FAM210A: variants seen among roughly 807,000 people sequenced by gnomAD.
FAM210A encodes the protein mitochondrial inner membrane scaffold 1, also known as family with sequence similarity 210 member A.
FAM210A carries 13 observed loss-of-function variants against 25.3 expected under a neutral mutation model. That is an observed-to-expected ratio of 0.51 (90% CI 0.33 to 0.82). The LOEUF is 0.82. FAM210A is among the 40% of genes least tolerant of loss of function. The pLI, the probability that FAM210A is intolerant of heterozygous loss-of-function variation, is 0.02. For synonymous variants in FAM210A, 125 were observed against 118.7 expected, an observed-to-expected ratio of 1.05 and a Z score of -0.35; for missense variants, 319 against 323.2, an observed-to-expected ratio of 0.99 and a Z score of 0.10.
chr18:13,672,631 A>G (rs1263437858), intron 2 of FAM210A, among the ~76,000 whole-genome samples: 1 of 152,192 alleles, frequency 6.6e-6, no homozygotes, highest in Non-Finnish European at 1.5e-5. Flanking sequence ...GATGGTGTCC[A>G]TCTCCTGACC....
At chr18:13,669,472 T>C (rs2043425940) in intron 3 of FAM210A, among the ~76,000 whole-genome samples, 1 of 152,150 alleles carries the variant, frequency 6.6e-6, no homozygotes, top group Non-Finnish European at 1.5e-5. Flanking sequence ...CCTCAGAACT[T>C]TGTCTTTCGG....
chr18:13,696,418 G>A (rs2043694358), intron 1 of FAM210A, among the ~76,000 whole-genome samples: 1 of 152,082 alleles, frequency 6.6e-6, no homozygotes, highest in Non-Finnish European at 1.5e-5. Flanking sequence ...ATACTGCTAG[G>A]AAAATGAAAA....
At chr18:13,697,795 T>C (rs772760763) in intron 1 of FAM210A, 3 of 152,230 alleles carry the variant, frequency 2.0e-5, no homozygotes, top group Non-Finnish European at 4.4e-5. Flanking sequence ...TTATTCATAA[T>C]TGCCAAAACT....
At chr18:13,696,545 G>GGT (rs1280469962) in intron 1 of FAM210A, among the ~76,000 whole-genome samples, 1 of 152,120 alleles carries the variant, frequency 6.6e-6, no homozygotes, top group East Asian at 1.9e-4. Flanking sequence ...CATGAAAGAC[G>GGT]GTGCCATAAG....
At chr18:13,696,625 G>C (rs2043696331) in intron 1 of FAM210A, among the ~76,000 whole-genome samples, 1 of 152,128 alleles carries the variant, frequency 6.6e-6, no homozygotes, top group Non-Finnish European at 1.5e-5. Flanking sequence ...TGATGGTGGA[G>C]GTAGAAGACA....
intron 1 of FAM210A, among the ~76,000 whole-genome samples, chr18:13,720,497 C>T (rs1420581380): frequency 6.6e-6 from 1 of 152,200 alleles, no homozygotes; most frequent in East Asian, 1.9e-4. Flanking sequence ...ATGCCCTACA[C>T]TACTCCAGTG....
Position 13,682,034 on chromosome 18 carries a change from C to T in FAM210A, c.44G>A (p.Arg15Lys). The T allele has an allele frequency of 6.2e-7, 1 of 1,612,024 alleles. No homozygotes were observed. The highest frequency in any genetic ancestry group is 8.5e-7 in the Non-Finnish European group (1 of 1,178,768). The change falls in exon 2 of 4, where the codon AGG becomes AAG. Residue 15 changes from arginine to lysine, a missense_variant. By Grantham distance (26) the Arg-to-Lys change is conservative. Coordinates refer to ENST00000651643, the MANE Select transcript of FAM210A (RefSeq NM_152352.4). ...AGCATTATGTGGTTCCAAGCATGTCCTGCGTGCCAGTCGAGATACAGTCCG... is the reference window on the plus strand; with the variant it reads ...AGCATTATGTGGTTCCAAGCATGTCTTGCGTGCCAGTCGAGATACAGTCCG... ...VPRTVSRLAR[R>K]TCLEPHNAGL...
intron 1 of FAM210A, among the ~76,000 whole-genome samples, chr18:13,699,914 T>C (rs1041257718): frequency 6.6e-6 from 1 of 152,188 alleles, no homozygotes; most frequent in Admixed American, 6.5e-5. Flanking sequence ...TGGGTGACCA[T>C]GCAAAATCCT....
At chr18:13,672,013 TTAATGATATTTTC>T in intron 2 of FAM210A, 40 bp from the exon 3 acceptor site, 1 of 1,382,712 alleles carries the variant, frequency 7.2e-7, no homozygotes, top group South Asian at 1.2e-5. Flanking sequence ...GTACAAACTT[TTAATGATATTTTC>T]AAAAATTATC....
At chr18:13,724,577 AC>A (rs2043919258) in intron 1 of FAM210A, among the ~76,000 whole-genome samples, 1 of 152,240 alleles carries the variant, frequency 6.6e-6, no homozygotes, top group African/African-American at 2.4e-5. Context: ...ACCAATGGTA[AC>A]TTTAAAATCA....
rs560764442 is a variant in FAM210A, at chr18:13,687,268, C to T, written c.-28-5163G>A. On this transcript the variant is annotated intron_variant, in intron 1 of 3. Coordinates refer to ENST00000651643, the MANE Select transcript of FAM210A (RefSeq NM_152352.4). ...GTTACCAGTAGTTAGACAGGTATGG[C>T]GGGGGCAGGAGAGGGCTCTTTCCCA... 2.6e-5 allele frequency among the ~76,000 whole-genome samples: 4 copies of T among 152,138 alleles called. No individual in the cohort carries two copies. In the South Asian group the frequency reaches 8.3e-4, roughly 32 times the overall value.
chr18:13,723,996 A>G (rs2043915484), intron 1 of FAM210A, among the ~76,000 whole-genome samples: 1 of 152,140 alleles, frequency 6.6e-6, no homozygotes, highest in Non-Finnish European at 1.5e-5. Flanking sequence ...TACATTTTTA[A>G]AACAATCTCT....
chr18:13,701,812 G>C (rs896715526), intron 1 of FAM210A, among the ~76,000 whole-genome samples: 3 of 152,196 alleles, frequency 2.0e-5, no homozygotes, highest in African/African-American at 4.8e-5. Context: ...AAAGGAAATA[G>C]ACTGCAGTAC....
intron 1 of FAM210A, among the ~76,000 whole-genome samples, chr18:13,702,028 T>A (rs1266218273): frequency 2.0e-5 from 3 of 152,160 alleles, no homozygotes; most frequent in African/African-American, 7.2e-5. Context: ...CTTGCAAAAT[T>A]AAGAGACTTT....
chr18:13,668,981 G>A (rs989478979), intron 3 of FAM210A, among the ~76,000 whole-genome samples: 1 of 152,142 alleles, frequency 6.6e-6, no homozygotes, highest in Non-Finnish European at 1.5e-5. Context: ...TTCTCTCAAA[G>A]TCTTACTCAT....
chr18:13,722,602 T>G (rs2043906018), intron 1 of FAM210A, among the ~76,000 whole-genome samples: 1 of 152,208 alleles, frequency 6.6e-6, no homozygotes, highest in Non-Finnish European at 1.5e-5. Context: ...ATTCCAAATG[T>G]GCAGATCCCA....
chr18:13,703,069 C>G (rs1601961467), intron 1 of FAM210A, among the ~76,000 whole-genome samples: 1 of 152,184 alleles, frequency 6.6e-6, no homozygotes, highest in East Asian at 1.9e-4. Flanking sequence ...TTGGGAAAAA[C>G]TTCTGTTTTC....
intron 1 of FAM210A, among the ~76,000 whole-genome samples, chr18:13,694,854 A>T (rs752480789): frequency 1.3e-5 from 2 of 152,268 alleles, no homozygotes; most frequent in Non-Finnish European, 2.9e-5. Context: ...AACAAAAGCC[A>T]AAATTGATAA....
intron 2 of FAM210A, among the ~76,000 whole-genome samples, chr18:13,677,336 A>G (rs563570550): frequency 8.9e-4 from 136 of 152,214 alleles, no homozygotes; most frequent in African/African-American, 3.2e-3. Flanking sequence ...GGCCTCCCAA[A>G]GTGCTGGGAT....
Sources: gnomAD v4.1 joint callset for allele counts (sites outside exome capture counted in the v4.1 genomes callset) on GRCh38, gnomAD v4.1.1 for gene constraint, MANE v1.5 for transcripts, NCBI Gene and HGNC (gene_info 2026-07-23, HGNC 2026-07-21) for gene names.